BEND5: variants seen among roughly 807,000 people sequenced by gnomAD.
The protein encoded by BEND5 is BEN domain containing 5, also known as BEN domain-containing protein 5.
A neutral mutation model predicts 43.9 loss-of-function variants in BEND5; 22 were observed. The observed-to-expected ratio is 0.50, with a 90% CI of 0.36 to 0.72. The LOEUF is 0.72. Among genes scored for constraint, BEND5 ranks in the 30% least tolerant of loss-of-function variants. The pLI is 0.00. For missense variants in BEND5, 428 were observed against 550.6 expected, an observed-to-expected ratio of 0.78 and a Z score of 2.23; for synonymous variants, 228 against 225.9, an observed-to-expected ratio of 1.01 and a Z score of -0.08.
rs77731599 is a variant in BEND5 at position 48,747,160 on chromosome 1, C to G, written c.746-4389G>C. 2.0e-5 allele frequency among the ~76,000 whole-genome samples: 3 copies of G among 152,268 alleles called. 1 individual carries two copies. The highest frequency in any genetic ancestry group is 2.0e-4 in the Admixed American group (3 of 15,294). ...AATTAGCCACAATAATAAGCACTTGCGTTAAGAGACAGCATTGTACAATCT... is the reference window on the plus strand; with the variant it reads ...AATTAGCCACAATAATAAGCACTTGGGTTAAGAGACAGCATTGTACAATCT... On this transcript the variant is annotated intron_variant, in intron 3 of 5. Transcript: ENST00000371833.
intron 1 of BEND5, among the ~76,000 whole-genome samples, chr1:48,773,004 C>T (rs186507450): frequency 6.6e-6 from 1 of 152,248 alleles, no homozygotes; most frequent in Non-Finnish European, 1.5e-5. Context: ...CATAGCAGGA[C>T]ATGAAAAGTC....
intron 3 of BEND5, among the ~76,000 whole-genome samples, chr1:48,754,720 G>C (rs906308411): frequency 2.6e-5 from 4 of 152,126 alleles, no homozygotes; most frequent in Non-Finnish European, 4.4e-5. Flanking sequence ...CATCAGAAAG[G>C]GTTGTTTACC....
chr1:48,774,014 G>A (rs1372359361), intron 1 of BEND5, among the ~76,000 whole-genome samples: 1 of 152,210 alleles, frequency 6.6e-6, no homozygotes, highest in Admixed American at 6.5e-5. Flanking sequence ...GACATTTCCT[G>A]AGTATAAAAA....
intron 5 of BEND5, among the ~76,000 whole-genome samples, chr1:48,733,033 A>C (rs1364976569): frequency 6.6e-6 from 1 of 152,200 alleles, no homozygotes; most frequent in Admixed American, 6.5e-5. Context: ...TGGTGAAAAC[A>C]CATTAAGCAG....
chr1:48,735,100 T>C (rs968999667), intron 5 of BEND5, among the ~76,000 whole-genome samples: 1 of 152,250 alleles, frequency 6.6e-6, no homozygotes, highest in African/African-American at 2.4e-5. Context: ...ATGAGGATAA[T>C]GAGTTAACAT....
At chr1:48,730,638 T>C (rs1647957853) in intron 5 of BEND5, among the ~76,000 whole-genome samples, 1 of 152,152 alleles carries the variant, frequency 6.6e-6, no homozygotes, top group South Asian at 2.1e-4. Flanking sequence ...ATCATTCTCA[T>C]TTCCTGTGGG....
chr1:48,750,723 T>C (rs533167362), intron 3 of BEND5, among the ~76,000 whole-genome samples: 5 of 152,308 alleles, frequency 3.3e-5, no homozygotes, highest in Non-Finnish European at 5.9e-5. Flanking sequence ...AATAATGAGA[T>C]AGGCTGCACT....
chr1:48,753,013 G>A (rs1297846887), intron 3 of BEND5, among the ~76,000 whole-genome samples: 1 of 152,190 alleles, frequency 6.6e-6, no homozygotes, highest in Admixed American at 6.5e-5. Flanking sequence ...CTCCCAAAGT[G>A]CTGGGATTAC....
intron 1 of BEND5, among the ~76,000 whole-genome samples, chr1:48,763,482 A>ATG (rs1392083609): frequency 6.6e-6 from 1 of 151,754 alleles, no homozygotes; most frequent in Non-Finnish European, 1.5e-5. Flanking sequence ...GTGTGTGTGT[A>ATG]TGTGTGTGTG....
chr1:48,727,871 T>A lies in BEND5; in HGVS notation c.*15A>T. The A allele has an allele frequency of 6.3e-7, 1 of 1,598,400 alleles. No individual in the cohort carries two copies. The highest frequency in any genetic ancestry group is 8.6e-7 in the Non-Finnish European group (1 of 1,168,162). On this transcript the variant is annotated 3_prime_UTR_variant, in exon 6 of 6. Coordinates refer to ENST00000371833, the MANE Select transcript of BEND5 (RefSeq NM_024603.4). ...ACACAAGGAAAACACGAAAGCTTTA[T>A]GAAAAATCCAAAGTTTATTGCAAAT...
chr1:48,745,995 C>T (rs529168117), intron 3 of BEND5, among the ~76,000 whole-genome samples: 7 of 152,172 alleles, frequency 4.6e-5, no homozygotes, highest in South Asian at 2.1e-4. Flanking sequence ...AGCCAAGGAC[C>T]GTGTCTTTTT....
rs1464792662 is a variant in BEND5, at chr1:48,742,708, C to T, written c.809G>A (p.Ser270Asn). The change falls in exon 4 of 6, where the codon AGC becomes AAC. Residue 270 changes from serine (S) to asparagine (N), a missense_variant. Ser to Asn is a conservative substitution (Grantham distance 46). Around this residue, in one of 4 missense-constraint regions of BEND5, gnomAD observed 243 missense variants for 286.4 expected, o/e 0.85. Coordinates refer to ENST00000371833, the MANE Select transcript of BEND5 (RefSeq NM_024603.4). Reference protein sequence around the residue: ...ECLEPEPELRSTFSEEANTSS... With the variant: ...ECLEPEPELRNTFSEEANTSS... Reference sequence around the variant, plus strand: ...CGTATTTGCTTCCTCACTGAAAGTGCTCCGTAACTCCGGCTCGGGCTCGAG... The same window carrying T: ...CGTATTTGCTTCCTCACTGAAAGTGTTCCGTAACTCCGGCTCGGGCTCGAG... 1.2e-6 allele frequency: 2 copies of T among 1,610,872 alleles called. No individual in the cohort carries two copies. Among genetic ancestry groups the T allele is most frequent in the Non-Finnish European group, 8.5e-7 (1 of 1,178,530 alleles).
intron 1 of BEND5, among the ~76,000 whole-genome samples, chr1:48,770,719 C>T (rs761222954): frequency 1.3e-5 from 2 of 152,206 alleles, no homozygotes; most frequent in African/African-American, 2.4e-5. Context: ...TTTCAACCAG[C>T]TACACTTCCA....
chr1:48,768,069 CA>C (rs1387053034), intron 1 of BEND5, among the ~76,000 whole-genome samples: 2 of 152,174 alleles, frequency 1.3e-5, no homozygotes, highest in African/African-American at 2.4e-5. Flanking sequence ...CATTTCAAAT[CA>C]AGTCTGTTTA....
chr1:48,750,599 G>A (rs1651548942), intron 3 of BEND5, among the ~76,000 whole-genome samples: 1 of 152,198 alleles, frequency 6.6e-6, no homozygotes, highest in East Asian at 1.9e-4. Context: ...TCTTTAAGGT[G>A]GCAAGGGGGG....
At chr1:48,772,075 C>A (rs560786044) in intron 1 of BEND5, among the ~76,000 whole-genome samples, 1 of 152,194 alleles carries the variant, frequency 6.6e-6, no homozygotes, top group Non-Finnish European at 1.5e-5. Flanking sequence ...ATGAGTTCAA[C>A]ATGGGCACAC....
Position 48,761,382 on chromosome 1 carries a change from C to T in BEND5, c.315G>A (p.Glu105=), listed in dbSNP as rs1362177173. Residue 105 remains glutamate, a synonymous_variant, in exon 2 of 6, where the codon GAG becomes GAA. Transcript: ENST00000371833. ...AATCTTCTTCCCCATAATCTTTAAC[C>T]TCTCCATCTTCTTCTACATGATTAA... The part of the protein sequence containing the change: ...LSLNHVEEDG[E]VKDYGEEDLQ... 16 of 1,551,750 alleles carry T rather than the reference C, an allele frequency of 1.0e-5. No individual in the cohort carries two copies. Among genetic ancestry groups the T allele is most frequent in the African/African-American group, 4.1e-5 (3 of 73,000 alleles).
intron 1 of BEND5, among the ~76,000 whole-genome samples, chr1:48,764,720 T>TA (rs1341304247): frequency 2.6e-5 from 4 of 152,230 alleles, no homozygotes. Context: ...GGCAAGCTGC[T>TA]ACCTCACTGA....
chr1:48,765,687 T>C (rs1380095858), intron 1 of BEND5, among the ~76,000 whole-genome samples: 2 of 152,328 alleles, frequency 1.3e-5, no homozygotes, highest in Non-Finnish European at 2.9e-5. Context: ...AACTTATGAA[T>C]GGATAACAAA....
Sources: gnomAD v4.1 joint callset for allele counts (sites outside exome capture counted in the v4.1 genomes callset) on GRCh38, gnomAD v4.1.1 for gene constraint, gnomAD v4.1.1 regional missense constraint, MANE v1.5 for transcripts, NCBI Gene and HGNC (gene_info 2026-07-23, HGNC 2026-07-21) for gene names.